COL14A1: variants seen among roughly 807,000 people sequenced by gnomAD.
The protein encoded by COL14A1 is collagen alpha-1(XIV) chain.
COL14A1 carries 136 observed loss-of-function variants against 230.3 expected under a neutral mutation model. The ratio of observed to expected loss-of-function variants is 0.59; its 90% CI spans 0.51 to 0.68. COL14A1 has a LOEUF of 0.68. COL14A1 is among the 30% of genes least tolerant of loss of function. The pLI is 0.00. For synonymous variants in COL14A1, 792 were observed against 784.1 expected (o/e 1.01, Z -0.17); for missense variants, 1,976 against 2,215.8 (o/e 0.89, Z 2.17).
At chr8:120,194,522 A>G (rs559734588) in intron 5 of COL14A1, among the ~76,000 whole-genome samples, 76 of 152,092 alleles carry the variant, frequency 5.0e-4, no homozygotes, top group Non-Finnish European at 9.1e-4. Context: ...CAATCTTTTG[A>G]TTTATAGTCA....
chr8:120,339,104 G>A (rs373570519), intron 42 of COL14A1, among the ~76,000 whole-genome samples: 83 of 152,206 alleles, frequency 5.5e-4, no homozygotes, highest in African/African-American at 1.8e-3. Flanking sequence ...GACTACAGGC[G>A]TGTGCCACCA....
chr8:120,124,965 C>T (rs1371848460), upstream of COL14A1: 2 of 152,352 alleles, frequency 1.3e-5, no homozygotes, highest in African/African-American at 4.8e-5. Flanking sequence ...TCCACATCTC[C>T]GGTAGGGCGG....
Position 120,341,313 on chromosome 8 carries a change from C to T in COL14A1, c.4786-12C>T, listed in dbSNP as rs1462366790. On this transcript the variant is annotated splice_polypyrimidine_tract_variant and intron_variant, in intron 42 of 47. Transcript: ENST00000297848. Reference sequence around the variant, plus strand: ...ATATCATAAGTAACTTGACAATTTTCCATTTATACAGGGTGTCCCTGGAGC... The same window carrying T: ...ATATCATAAGTAACTTGACAATTTTTCATTTATACAGGGTGTCCCTGGAGC... The T allele has an allele frequency of 1.2e-6, 2 of 1,614,084 alleles. No homozygotes were observed. Among genetic ancestry groups the T allele is most frequent in the South Asian group, 1.1e-5 (1 of 91,076 alleles).
chr8:120,320,878 T>G (rs1186307851), intron 40 of COL14A1, among the ~76,000 whole-genome samples: 1 of 152,220 alleles, frequency 6.6e-6, no homozygotes, highest in African/African-American at 2.4e-5. Flanking sequence ...GCTTTGCAAT[T>G]ATGATGTTCT....
At chr8:120,276,376 G>A (rs1819845717) in intron 26 of COL14A1, among the ~76,000 whole-genome samples, 1 of 148,670 alleles carries the variant, frequency 6.7e-6, no homozygotes, top group Non-Finnish European at 1.5e-5. Flanking sequence ...GGTGGAAGGT[G>A]GATGAAGGAT....
intron 34 of COL14A1, among the ~76,000 whole-genome samples, chr8:120,297,024 G>A (rs1168989999): frequency 6.6e-6 from 1 of 152,058 alleles, no homozygotes; most frequent in African/African-American, 2.4e-5. Context: ...CTGAGTGTAT[G>A]TACAAAGGAA....
At chr8:120,271,775 G>C (rs1435701750) in intron 26 of COL14A1, among the ~76,000 whole-genome samples, 1 of 151,590 alleles carries the variant, frequency 6.6e-6, no homozygotes, top group South Asian at 2.1e-4. Flanking sequence ...CTTGAGTCTT[G>C]TGGACCATCA....
At position 120,197,246 on chromosome 8, in the gene COL14A1, T is replaced by G. The variant is rs893541288; in HGVS notation, c.592+300T>G. Among the ~76,000 whole-genome samples the G allele has an allele frequency of 9.2e-5, 14 of 152,288 alleles. No homozygotes were observed. In the South Asian group the frequency reaches 1.2e-3, roughly 14 times the overall value. On this transcript the variant is annotated intron_variant, in intron 6 of 47. Coordinates refer to ENST00000297848, the MANE Select transcript of COL14A1 (RefSeq NM_021110.4). ...TATTGCATAGCAGTTTTCTTTTTAT[T>G]TAAAAGAAATAGCTAAATCTAGGAA...
At chr8:120,342,336 T>C (rs777159715) in intron 43 of COL14A1, 44 bp from the exon 44 acceptor site, 4 of 1,589,134 alleles carry the variant, frequency 2.5e-6, no homozygotes, top group African/African-American at 1.3e-5. Context: ...GTAGTGTGGC[T>C]GGGCTTGTAG....
At chr8:120,342,244 G>A (rs1432841258) in intron 43 of COL14A1, 136 bp from the exon 44 acceptor site, 4 of 769,714 alleles carry the variant, frequency 5.2e-6, no homozygotes, top group African/African-American at 1.7e-5. Flanking sequence ...GCACCGTGGT[G>A]GTCAAACCCA....
chr8:120,142,444 A>G (rs999903577), intron 1 of COL14A1, among the ~76,000 whole-genome samples: 2 of 152,214 alleles, frequency 1.3e-5, no homozygotes, highest in African/African-American at 4.8e-5. Context: ...TTTTCCTCCC[A>G]TAGTTCATCA....
intron 36 of COL14A1, among the ~76,000 whole-genome samples, chr8:120,307,114 A>G (rs1820878510): frequency 6.6e-6 from 1 of 152,190 alleles, no homozygotes; most frequent in African/African-American, 2.4e-5. Context: ...CTAGCTTCCC[A>G]TGTTGCTTCT....
chr8:120,223,061 C>T (rs963976780), intron 14 of COL14A1, among the ~76,000 whole-genome samples: 1 of 152,134 alleles, frequency 6.6e-6, no homozygotes, highest in Non-Finnish European at 1.5e-5. Context: ...ACAGAGTGAA[C>T]TGCATGTGCT....
intron 7 of COL14A1, 137 bp downstream of exon 7, chr8:120,198,067 C>G: frequency 1.2e-6 from 1 of 825,904 alleles, no homozygotes; most frequent in Non-Finnish European, 1.9e-6. Flanking sequence ...GGCTGTTTTC[C>G]CAAACTCAGC....
chr8:120,269,507 G>C (rs1314990655), intron 25 of COL14A1, among the ~76,000 whole-genome samples: 1 of 151,730 alleles, frequency 6.6e-6, no homozygotes, highest in Non-Finnish European at 1.5e-5. Flanking sequence ...ATTAGAATTT[G>C]TTTGCTTAGG....
At chr8:120,130,068 G>A (rs952557035) in intron 1 of COL14A1, among the ~76,000 whole-genome samples, 8 of 152,166 alleles carry the variant, frequency 5.3e-5, no homozygotes, top group African/African-American at 7.2e-5. Flanking sequence ...CTGCTGGTTG[G>A]TGCCCATCCA....
chr8:120,298,599 A>T lies in COL14A1; in HGVS notation c.4314+1011A>T, dbSNP rs201539407. 3.0e-3 allele frequency among the ~76,000 whole-genome samples: 99 copies of T among 33,070 alleles called. 2 individuals are homozygous for T. Among genetic ancestry groups the T allele is most frequent in the Admixed American group, 4.1e-3 (16 of 3,884 alleles). 21.7% of individuals were successfully genotyped at this position (33,070 alleles called of 152,430 possible). On this transcript the variant is annotated intron_variant, in intron 35 of 47. Transcript: ENST00000297848. Reference sequence around the variant, plus strand: ...GGATGTGTGTATACCCATATATTTTATATATATATATATATATATATATAT... The same window carrying T: ...GGATGTGTGTATACCCATATATTTTTTATATATATATATATATATATATAT...
At chr8:120,313,726 C>T (rs1821118116) in intron 37 of COL14A1, among the ~76,000 whole-genome samples, 1 of 152,122 alleles carries the variant, frequency 6.6e-6, no homozygotes, top group Non-Finnish European at 1.5e-5. Flanking sequence ...ACAGCGATCC[C>T]TGTGTGTTTA....
chr8:120,369,005 G>T (rs1322957036), intron 46 of COL14A1, among the ~76,000 whole-genome samples: 2 of 152,148 alleles, frequency 1.3e-5, no homozygotes, highest in Non-Finnish European at 2.9e-5. Context: ...ACTGCATTGG[G>T]AAACAAAAGC....
Sources: allele counts gnomAD v4.1 joint callset (sites outside exome capture counted in the v4.1 genomes callset), GRCh38; gene constraint gnomAD v4.1.1; transcripts MANE v1.5; gene names NCBI Gene and HGNC (gene_info 2026-07-23, HGNC 2026-07-21).